The following SH3RF3 variants were observed in gnomAD, a reference collection of about 807,000 sequenced individuals.
SH3RF3 encodes the protein E3 ubiquitin-protein ligase SH3RF3.
A neutral mutation model predicts 66.3 loss-of-function variants in SH3RF3; 29 were observed. The ratio of observed to expected loss-of-function variants is 0.44; its 90% CI spans 0.33 to 0.60. The LOEUF (loss-of-function observed/expected upper bound fraction) is 0.60. Among genes scored for constraint, SH3RF3 ranks in the 20% least tolerant of loss-of-function variants. SH3RF3 has a pLI of 0.04. For synonymous variants in SH3RF3, 583 were observed against 532.0 expected, an observed-to-expected ratio of 1.10 and a Z score of -1.32; for missense variants, 1,194 against 1,190.9, an observed-to-expected ratio of 1.00 and a Z score of -0.04.
In SH3RF3 at chr2:109,139,030, T is replaced by C. The variant is rs545027199; in HGVS notation, c.573+8917T>C. ...CCTGATGATGGCAGGGGACGTGGAGTCATGGGTGATGTCTGTGGATTTAAT... is the reference window on the plus strand; with the variant it reads ...CCTGATGATGGCAGGGGACGTGGAGCCATGGGTGATGTCTGTGGATTTAAT... On this transcript the variant is annotated intron_variant, in intron 1 of 9. Transcript: ENST00000309415. Among the ~76,000 whole-genome samples the C allele has an allele frequency of 2.4e-3, 365 of 152,134 alleles. 10 individuals carry two copies. In the South Asian group the frequency reaches 0.03, roughly 13 times the overall value.
chr2:109,368,356 T>C (rs1249527287), intron 2 of SH3RF3, among the ~76,000 whole-genome samples: 1 of 152,228 alleles, frequency 6.6e-6, no homozygotes, highest in African/African-American at 2.4e-5. Flanking sequence ...TAAACATCTA[T>C]TCATATTTTC....
chr2:109,312,766 T>G (rs772233257), intron 1 of SH3RF3, among the ~76,000 whole-genome samples: 3 of 152,232 alleles, frequency 2.0e-5, no homozygotes, highest in Admixed American at 6.5e-5. Flanking sequence ...GTTTATCCAT[T>G]CATCTGCTGA....
rs1038248834 is a variant in SH3RF3 at position 109,237,069 on chromosome 2, A to G, written c.573+106956A>G. ...CAGTGACATCATCTCACTGCAAACAATGTTAAAATAAGAAATAAACAAGAA... is the reference window on the plus strand; with the variant it reads ...CAGTGACATCATCTCACTGCAAACAGTGTTAAAATAAGAAATAAACAAGAA... On this transcript the variant is annotated intron_variant, in intron 1 of 9. Transcript: ENST00000309415. Among the ~76,000 whole-genome samples the G allele has an allele frequency of 8.5e-5, 13 of 152,224 alleles. No homozygotes were observed. The East Asian group carries it at 2.5e-3, about 29-fold the overall frequency.
At chr2:109,223,074 C>T (rs1344898941) in intron 1 of SH3RF3, among the ~76,000 whole-genome samples, 17 of 152,254 alleles carry the variant, frequency 1.1e-4, no homozygotes. Flanking sequence ...AGGCTGGCAC[C>T]ACGCCCTGAT....
At chr2:109,274,280 C>A (rs546081503) in intron 1 of SH3RF3, among the ~76,000 whole-genome samples, 1 of 152,106 alleles carries the variant, frequency 6.6e-6, no homozygotes, top group South Asian at 2.1e-4. Context: ...AAAGTGAATT[C>A]CTAGGTGTGT....
chr2:109,337,671 C>T (rs1258526904), intron 1 of SH3RF3, among the ~76,000 whole-genome samples: 1 of 151,634 alleles, frequency 6.6e-6, no homozygotes, highest in Non-Finnish European at 1.5e-5. Context: ...CATATGCTAT[C>T]AGCATATGCC....
At chr2:109,203,492 C>A (rs72952022) in intron 1 of SH3RF3, among the ~76,000 whole-genome samples, 2,302 of 152,250 alleles carry the variant, frequency 0.015, 47 homozygotes, top group African/African-American at 0.053. Flanking sequence ...TAAGTCCCAC[C>A]GCTCCCCATT....
At chr2:109,218,704 A>G (rs187776799) in intron 1 of SH3RF3, among the ~76,000 whole-genome samples, 2 of 152,326 alleles carry the variant, frequency 1.3e-5, no homozygotes, top group African/African-American at 2.4e-5. Context: ...TTGCCCTTTC[A>G]TCATGGCTGG....
intron 3 of SH3RF3, among the ~76,000 whole-genome samples, chr2:109,392,363 G>C (rs2104416766): frequency 6.6e-6 from 1 of 152,290 alleles, no homozygotes; most frequent in Admixed American, 6.5e-5. Flanking sequence ...ACTTGGAACA[G>C]GTCACTTAAC....
intron 1 of SH3RF3, among the ~76,000 whole-genome samples, chr2:109,193,852 C>T (rs535657640): frequency 6.6e-6 from 1 of 152,256 alleles, no homozygotes; most frequent in South Asian, 2.1e-4. Context: ...TCGTCTAGCC[C>T]CGGGGATGGG....
At position 109,352,959 on chromosome 2, in the gene SH3RF3, A is replaced by G. The variant is rs11888233; in HGVS notation, c.849+5010A>G. On this transcript the variant is annotated intron_variant, in intron 2 of 9. Transcript: ENST00000309415. ...CCAGAAATTTTCAGAACCTACACAG[A>G]ATGTGAGCTCCTCTCCATGGGCACG... Among the ~76,000 whole-genome samples, 1,440 of 152,354 alleles carry G rather than the reference A, an allele frequency of 9.5e-3. 26 individuals carry two copies. Among genetic ancestry groups the G allele is most frequent in the African/African-American group, 0.033 (1,368 of 41,590 alleles).
At chr2:109,298,746 C>G (rs1489413878) in intron 1 of SH3RF3, among the ~76,000 whole-genome samples, 1 of 152,138 alleles carries the variant, frequency 6.6e-6, no homozygotes, top group African/African-American at 2.4e-5. Context: ...GTGAAATATC[C>G]CTGATCTAAC....
chr2:109,129,460 T>C lies in SH3RF3; in HGVS notation c.-81T>C, dbSNP rs1477240105. The stretch of plus-strand genomic sequence containing the variant: ...ACGGCGGAGCCCGGCTCCCCAGTCC[T>C]GATGCTGGCTGCCGGTGGCGGGCTC... On this transcript the variant is annotated 5_prime_UTR_variant, in exon 1 of 10. Coordinates refer to ENST00000309415, the MANE Select transcript of SH3RF3 (RefSeq NM_001099289.3). 21 of 1,495,060 alleles carry C rather than the reference T, an allele frequency of 1.4e-5. No homozygotes were observed. The highest frequency in any genetic ancestry group is 1.9e-5 in the Non-Finnish European group (21 of 1,127,278). 92.6% of individuals were successfully genotyped at this position (1,495,060 alleles called of 1,614,324 possible). A position where few individuals can be genotyped will look rare whatever the true frequency, so the allele number is the denominator to read the frequency against.
intron 1 of SH3RF3, among the ~76,000 whole-genome samples, chr2:109,207,131 G>T (rs1296407473): frequency 6.6e-6 from 1 of 152,216 alleles, no homozygotes; most frequent in Non-Finnish European, 1.5e-5. Flanking sequence ...TGTAGAGGAT[G>T]ATAAACTGGG....
At chr2:109,275,538 T>C (rs750048076) in intron 1 of SH3RF3, among the ~76,000 whole-genome samples, 6 of 152,130 alleles carry the variant, frequency 3.9e-5, no homozygotes, top group African/African-American at 7.2e-5. Flanking sequence ...CTAGAAAGCG[T>C]CACAGGAAAT....
intron 1 of SH3RF3, among the ~76,000 whole-genome samples, chr2:109,132,784 A>G (rs1391294609): frequency 2.6e-5 from 4 of 152,160 alleles, no homozygotes; most frequent in Non-Finnish European, 4.4e-5. Context: ...TGTTTTCACT[A>G]TTTTGCAAGA....
chr2:109,489,603 G>A (rs1679073613), intron 8 of SH3RF3, among the ~76,000 whole-genome samples: 1 of 152,246 alleles, frequency 6.6e-6, no homozygotes, highest in African/African-American at 2.4e-5. Context: ...TGTGTTGTCG[G>A]GGATGGCCCG....
intron 1 of SH3RF3, among the ~76,000 whole-genome samples, chr2:109,345,777 A>G (rs569086734): frequency 6.6e-6 from 1 of 152,162 alleles, no homozygotes; most frequent in Non-Finnish European, 1.5e-5. Flanking sequence ...TTGTAAATTT[A>G]ACCAAACAGG....
chr2:109,474,555 G>A (rs974356799), intron 8 of SH3RF3, among the ~76,000 whole-genome samples: 8 of 152,164 alleles, frequency 5.3e-5, no homozygotes, highest in African/African-American at 9.7e-5. Flanking sequence ...CGAACCGCAC[G>A]GGGCTTATAG....
Sources: allele counts gnomAD v4.1 joint callset (sites outside exome capture counted in the v4.1 genomes callset), GRCh38; gene constraint gnomAD v4.1.1; transcripts MANE v1.5; gene names NCBI Gene and HGNC (gene_info 2026-07-23, HGNC 2026-07-21).